SAV1: variants seen among roughly 807,000 people sequenced by gnomAD.
The protein encoded by SAV1 is salvador family WW domain containing protein 1, also known as protein salvador homolog 1.
Under a neutral mutation model 47.3 loss-of-function variants are expected in SAV1, and 23 were observed. The ratio of observed to expected loss-of-function variants is 0.49; its 90% confidence interval spans 0.35 to 0.69. SAV1 has a LOEUF of 0.69. Among genes scored for constraint, SAV1 ranks in the 30% least tolerant of loss-of-function variants. The probability of loss-of-function intolerance (pLI) is 0.01; values close to 1 mark genes in which losing one functional copy is unlikely to be tolerated. For synonymous variants in SAV1, 155 were observed against 159.2 expected (o/e 0.97, Z 0.20); for missense variants, 448 against 457.4 (o/e 0.98, Z 0.19).
rs144239910 is a variant in SAV1, at chr14:50,657,286, G to C, written c.535+7893C>G. 5.4e-3 allele frequency among the ~76,000 whole-genome samples: 815 copies of C among 152,252 alleles called. 2 individuals are homozygous for C. Among genetic ancestry groups the C allele is most frequent in the Non-Finnish European group, 7.1e-3 (486 of 68,004 alleles). On this transcript the variant is annotated intron_variant, in intron 2 of 4. Coordinates refer to ENST00000324679, the MANE Select transcript of SAV1 (RefSeq NM_021818.4). ...CTGACCTTGTGATCCACCTGCCTCG[G>C]CCTCCCAAAGTGCTGGGAAATACTC... is the stretch of plus-strand genomic sequence containing the variant.
intron 1 of SAV1, chr14:50,667,280 C>G: frequency 3.7e-6 from 1 of 273,320 alleles, no homozygotes; most frequent in Non-Finnish European, 7.6e-6. Flanking sequence ...CTTGGAATCT[C>G]ACGAATATAG....
At chr14:50,660,308 T>C (rs2039847832) in intron 2 of SAV1, among the ~76,000 whole-genome samples, 1 of 152,190 alleles carries the variant, frequency 6.6e-6, no homozygotes, top group Non-Finnish European at 1.5e-5. Flanking sequence ...TCTTTAAATA[T>C]CTTAGCTTCT....
intron 1 of SAV1, 30 bp from the exon 2 acceptor site, chr14:50,665,649 T>G: frequency 6.6e-7 from 1 of 1,522,918 alleles, no homozygotes; most frequent in Non-Finnish European, 8.8e-7. Flanking sequence ...AAAATTACCC[T>G]TTCATCATTA....
At chr14:50,661,887 G>A (rs963604534) in intron 2 of SAV1, among the ~76,000 whole-genome samples, 13 of 151,982 alleles carry the variant, frequency 8.6e-5, no homozygotes, top group Non-Finnish European at 1.8e-4. Flanking sequence ...GCCTTATTTC[G>A]AAGACAGGTA....
chr14:50,665,666 A>C (rs1370397986), intron 1 of SAV1, 47 bp from the exon 2 acceptor site: 5 of 1,486,524 alleles, frequency 3.4e-6, no homozygotes, highest in Non-Finnish European at 4.5e-6. Context: ...ATTAAGTAAC[A>C]AAAGTTTTCG....
chr14:50,645,018 C>A lies in SAV1; in HGVS notation c.536-4G>T, dbSNP rs775532041. The A allele has an allele frequency of 6.2e-7, 1 of 1,600,792 alleles. No individual in the cohort carries two copies. The highest frequency in any genetic ancestry group is 2.2e-5 in the East Asian group (1 of 44,816). ...GTAGCAGCAACTCTCCCAATACCTA[C>A]GGGGAAAGAGAAAATGATAGAGAAG... On this transcript the variant is annotated splice_polypyrimidine_tract_variant and splice_region_variant and intron_variant, in intron 2 of 4. Coordinates refer to ENST00000324679, the MANE Select transcript of SAV1 (RefSeq NM_021818.4).
Position 50,635,299 on chromosome 14 carries a change from C to G in SAV1, c.1036G>C (p.Glu346Gln). The G allele has an allele frequency of 6.2e-7, 1 of 1,614,108 alleles. No homozygotes were observed. Among genetic ancestry groups the G allele is most frequent in the South Asian group, 1.1e-5 (1 of 91,078 alleles). The change falls in exon 5 of 5, where the codon GAA (glutamate) becomes CAA (glutamine). Residue 346 changes from glutamate (E) to glutamine (Q), a missense_variant. Glu to Gln is a conservative substitution (Grantham distance 29). Transcript: ENST00000324679. ...TACATTTTAACAATCTGCTCCAATT[C>G]TTTCATGAAGAGCAACTTTAGCATT... ...QGMLKLLFMKELEQIVKMYEA... is the reference protein window; with the variant it reads ...QGMLKLLFMKQLEQIVKMYEA...
At chr14:50,662,549 A>C (rs560492057) in intron 2 of SAV1, 2 of 152,210 alleles carry the variant, frequency 1.3e-5, no homozygotes, top group Non-Finnish European at 2.9e-5. Flanking sequence ...TTGTGACTGG[A>C]AAGTTGCTTT....
chr14:50,666,465 T>C (rs1338033647), intron 1 of SAV1, among the ~76,000 whole-genome samples: 5 of 152,128 alleles, frequency 3.3e-5, no homozygotes, highest in Non-Finnish European at 7.4e-5. Context: ...GTAAACAATA[T>C]TGGAGACACT....
rs767579163 is a variant in SAV1 at position 50,644,811 on chromosome 14, C to G, written c.739G>C (p.Glu247Gln). The change falls in exon 3 of 5, where the codon GAA (glutamate) becomes CAA (glutamine). Residue 247 changes from glutamate to glutamine, a missense_variant. Glu to Gln is a conservative substitution (Grantham distance 29, BLOSUM62 2). Coordinates refer to ENST00000324679, the MANE Select transcript of SAV1 (RefSeq NM_021818.4). ...TGATCTACATAATAGGTTCCAAATT[C>G]GGATGACTCAACTCGTTCCCATCCA... Reference protein sequence around the residue: ...PPGWERVESSEFGTYYVDHTN... With the variant: ...PPGWERVESSQFGTYYVDHTN... The G allele has an allele frequency of 1.2e-6, 2 of 1,614,126 alleles. No homozygotes were observed. Among genetic ancestry groups the G allele is most frequent in the Non-Finnish European group, 1.7e-6 (2 of 1,180,008 alleles).
rs1283592365 is a variant in SAV1 at position 50,665,482 on chromosome 14, T to C, written c.232A>G (p.Ile78Val). 3.4e-5 allele frequency: 55 copies of C among 1,613,934 alleles called. No homozygotes were observed. Among genetic ancestry groups the C allele is most frequent in the East Asian group, 1.6e-4 (7 of 44,888 alleles). Reference sequence around the variant, plus strand: ...ATTATTTCATGAGGTGTTCTTTGAATTGGAGTTCTAAGGAAACTCTGGTTT... The same window carrying C: ...ATTATTTCATGAGGTGTTCTTTGAACTGGAGTTCTAAGGAAACTCTGGTTT... ...SRNQSFLRTP[I>V]QRTPHEIMRR... Residue 78 changes from isoleucine to valine, a missense_variant, in exon 2 of 5, where the codon ATT becomes GTT. Coordinates refer to ENST00000324679, the MANE Select transcript of SAV1 (RefSeq NM_021818.4).
At chr14:50,657,391 C>G (rs2039822218) in intron 2 of SAV1, among the ~76,000 whole-genome samples, 1 of 152,034 alleles carries the variant, frequency 6.6e-6, no homozygotes, top group Non-Finnish European at 1.5e-5. Context: ...ATTTCATAGC[C>G]AAAACTGCTC....
At chr14:50,646,424 G>T (rs576155925) in intron 2 of SAV1, among the ~76,000 whole-genome samples, 1 of 152,108 alleles carries the variant, frequency 6.6e-6, no homozygotes, top group East Asian at 1.9e-4. Flanking sequence ...AGTGGCTCAC[G>T]CCTGTAATCC....
intron 2 of SAV1, among the ~76,000 whole-genome samples, chr14:50,652,127 T>C (rs2039774652): frequency 6.6e-6 from 1 of 152,026 alleles, no homozygotes; most frequent in African/African-American, 2.4e-5. Flanking sequence ...GAGAAAAAAA[T>C]AAAAACCTAA....
rs75284865 is a variant in SAV1, at chr14:50,660,869, A to G, written c.535+4310T>C. Among the ~76,000 whole-genome samples, 772 of 152,332 alleles carry G rather than the reference A, an allele frequency of 5.1e-3. 9 individuals carry two copies. The highest frequency in any genetic ancestry group is 0.017 in the African/African-American group (722 of 41,580). On this transcript the variant is annotated intron_variant, in intron 2 of 4. Coordinates refer to ENST00000324679, the MANE Select transcript of SAV1 (RefSeq NM_021818.4). The stretch of plus-strand genomic sequence containing the variant: ...CTTTCTGTGCCTGATTTCCCTTAAT[A>G]TAATGACCTCCAGTTCCATTCAAGC...
At chr14:50,650,352 G>T (rs2039757460) in intron 2 of SAV1, among the ~76,000 whole-genome samples, 1 of 152,146 alleles carries the variant, frequency 6.6e-6, no homozygotes, top group Non-Finnish European at 1.5e-5. Context: ...GAATGAAGAT[G>T]ATTTCTATTT....
chr14:50,655,529 G>A (rs1224399027), intron 2 of SAV1, among the ~76,000 whole-genome samples: 3 of 151,064 alleles, frequency 2.0e-5, no homozygotes, highest in Non-Finnish European at 4.4e-5. Context: ...AGGTTCAAGC[G>A]ATTCTCCTGC....
chr14:50,635,598 G>A (rs2039627488), intron 4 of SAV1, among the ~76,000 whole-genome samples: 1 of 152,134 alleles, frequency 6.6e-6, no homozygotes, highest in South Asian at 2.1e-4. Context: ...AGGACTGCTT[G>A]TGCCCAAGAG....
intron 1 of SAV1, among the ~76,000 whole-genome samples, chr14:50,666,356 C>T (rs903482037): frequency 6.6e-6 from 1 of 152,082 alleles, no homozygotes; most frequent in Non-Finnish European, 1.5e-5. Context: ...CTTTTAAACA[C>T]GAAACTTGAA....
Sources: allele counts gnomAD v4.1 joint callset (sites outside exome capture counted in the v4.1 genomes callset), GRCh38; gene constraint gnomAD v4.1.1; transcripts MANE v1.5; gene names NCBI Gene and HGNC (gene_info 2026-07-23, HGNC 2026-07-21).